Variants in CHD5 observed in about 807,000 individuals in gnomAD.
The protein encoded by CHD5 is ATP-dependent chromatin remodeler CHD5.
Under a neutral mutation model 230.3 loss-of-function variants are expected in CHD5, and 69 were observed. The ratio of observed to expected loss-of-function variants is 0.30; its 90% CI spans 0.25 to 0.37. The LOEUF (loss-of-function observed/expected upper bound fraction) is 0.37. Ranked by LOEUF, CHD5 falls within the 10% of genes least tolerant of loss-of-function variation. The pLI, the probability that CHD5 is intolerant of heterozygous loss-of-function variation, is 1.00. For missense variants in CHD5, 1,827 were observed against 2,622.8 expected, an observed-to-expected ratio of 0.70 and a Z score of 6.63; for synonymous variants, 1,064 against 1,065.9, an observed-to-expected ratio of 1.00 and a Z score of 0.03.
At chr1:6,110,313 C>CT in intron 37 of CHD5, 81 bp downstream of exon 37, 1 of 1,550,274 alleles carries the variant, frequency 6.5e-7, no homozygotes, top group Non-Finnish European at 8.8e-7. Flanking sequence ...TTGCTGCTCT[C>CT]TAATTCCTTT....
chr1:6,136,014 TA>T (rs55975312), intron 17 of CHD5, among the ~76,000 whole-genome samples: 2 of 119,442 alleles, frequency 1.7e-5, no homozygotes, highest in South Asian at 3.5e-4. Context: ...TTTCTTTTAA[TA>T]AAAAAAAACA....
chr1:6,128,251 A>G lies in CHD5; in HGVS notation c.3731-33T>C. 6.2e-7 allele frequency: 1 copy of G among 1,607,852 alleles called. No homozygotes were observed. The highest frequency in any genetic ancestry group is 8.5e-7 in the Non-Finnish European group (1 of 1,175,858). On this transcript the variant is annotated intron_variant, in intron 24 of 41. Coordinates refer to ENST00000262450, the MANE Select transcript of CHD5 (RefSeq NM_015557.3). The surrounding 1 kb of genome is among the most constrained non-coding windows in gnomAD (Gnocchi z 7.8). The stretch of plus-strand genomic sequence containing the variant: ...GCAGGCAAATGCAGTGTGAGGACAA[A>G]GACTGCCCTGGTCCAGCCCCGGGGT...
Position 6,125,978 on chromosome 1 carries a change from A to G in CHD5, c.4079-120T>C. On this transcript the variant is annotated intron_variant, in intron 26 of 41. Coordinates refer to ENST00000262450, the MANE Select transcript of CHD5 (RefSeq NM_015557.3). The surrounding 1 kb of genome is among the most constrained non-coding windows in gnomAD (Gnocchi z 6.7). ...ACCCCAGCTCCATAAAAAAGCAGTG[A>G]CAATGGCCCACATACTTCCTGTGGG... 1.4e-6 allele frequency: 1 copy of G among 704,530 alleles called. No individual in the cohort carries two copies. Among genetic ancestry groups the G allele is most frequent in the Non-Finnish European group, 2.5e-6 (1 of 397,518 alleles). The allele number at this position is 704,530 out of a possible 1,614,324, so 43.6% of individuals were successfully genotyped here. A position where few individuals can be genotyped will look rare whatever the true frequency, so the allele number is the denominator to read the frequency against.
At chr1:6,132,202 G>C (rs577465348) in intron 20 of CHD5, among the ~76,000 whole-genome samples, 1 of 152,236 alleles carries the variant, frequency 6.6e-6, no homozygotes, top group African/African-American at 2.4e-5. Flanking sequence ...AGAAAAGAAA[G>C]GCAGTCCCTT....
At position 6,154,575 on chromosome 1, in the gene CHD5, C is replaced by T. The variant is rs1036705740; in HGVS notation, c.745+85G>A. ...AGCACCCCAGCTGCCCCTCCCTGCCCGCGTCTGCCCCGTGGCTTCTCCTAT... is the reference window on the plus strand; with the variant it reads ...AGCACCCCAGCTGCCCCTCCCTGCCTGCGTCTGCCCCGTGGCTTCTCCTAT... On this transcript the variant is annotated intron_variant, in intron 5 of 41. Coordinates refer to ENST00000262450, the MANE Select transcript of CHD5 (RefSeq NM_015557.3). This position sits in a 1 kb window ranked among gnomAD's most constrained non-coding sequence, Gnocchi z 7.0. The T allele has an allele frequency of 1.1e-5, 14 of 1,275,402 alleles. No homozygotes were observed. The highest frequency in any genetic ancestry group is 6.6e-5 in the South Asian group (4 of 60,666). 79.0% of individuals were successfully genotyped at this position (1,275,402 alleles called of 1,614,324 possible). A position where few individuals can be genotyped will look rare whatever the true frequency, so the allele number is the denominator to read the frequency against.
intron 33 of CHD5, among the ~76,000 whole-genome samples, chr1:6,120,327 C>T (rs535806226): frequency 1.3e-5 from 2 of 152,100 alleles, no homozygotes; most frequent in South Asian, 4.2e-4. Flanking sequence ...AGTCAGAAAT[C>T]ACTAATAAAA....
chr1:6,121,507 G>C lies in CHD5; in HGVS notation c.4766C>G (p.Pro1589Arg). Residue 1589 changes from proline (P) to arginine (R), a missense_variant, in exon 32 of 42, where the codon CCC becomes CGC. Coordinates refer to ENST00000262450, the MANE Select transcript of CHD5 (RefSeq NM_015557.3). This position sits in a 1 kb window ranked among gnomAD's most constrained non-coding sequence, Gnocchi z 4.5. ...KDPGAQKPRQ[P>R]LEVQALPAAL... ...CAAGTTCCACACCTGGACTTCCAGG[G>C]GCTGCCTTGGCTTCTGTGCCCCGGG... is the stretch of plus-strand genomic sequence containing the variant. 6.2e-7 allele frequency: 1 copy of C among 1,612,318 alleles called. No individual in the cohort carries two copies. The highest frequency in any genetic ancestry group is 8.5e-7 in the Non-Finnish European group (1 of 1,179,244).
chr1:6,138,094 G>C (rs2100853688), intron 15 of CHD5, among the ~76,000 whole-genome samples: 1 of 152,332 alleles, frequency 6.6e-6, no homozygotes, highest in East Asian at 1.9e-4. Flanking sequence ...AGCAAATTTA[G>C]GCCAGGCACA....
At position 6,129,966 on chromosome 1, in the gene CHD5, C is replaced by T. The variant is rs1459384715; in HGVS notation, c.3387+238G>A. Among the ~76,000 whole-genome samples, 2 of 152,206 alleles carry T rather than the reference C, an allele frequency of 1.3e-5. No homozygotes were observed. The highest frequency in any genetic ancestry group is 3.9e-4 in the East Asian group (2 of 5,192). ...AACTGCTGTGCGCCCTGGGACACTT[C>T]CCCTGCCCTCTCCAAGCCTGCTTCC... On this transcript the variant is annotated intron_variant, in intron 22 of 41. Coordinates refer to ENST00000262450, the MANE Select transcript of CHD5 (RefSeq NM_015557.3). The surrounding 1 kb of genome is among the most constrained non-coding windows in gnomAD (Gnocchi z 6.8).
chr1:6,155,092 C>G lies in CHD5; in HGVS notation c.507-194G>C, dbSNP rs1296139705. Among the ~76,000 whole-genome samples, 1 of 103,620 alleles carries G rather than the reference C, an allele frequency of 9.7e-6. No homozygotes were observed. Among genetic ancestry groups the G allele is most frequent in the Non-Finnish European group, 2.3e-5 (1 of 43,064 alleles). The allele number at this position is 103,620 out of a possible 152,430, so 68.0% of individuals were successfully genotyped here. On this transcript the variant is annotated intron_variant, in intron 4 of 41. Coordinates refer to ENST00000262450, the MANE Select transcript of CHD5 (RefSeq NM_015557.3). This position sits in a 1 kb window ranked among gnomAD's most constrained non-coding sequence, Gnocchi z 4.0. ...AAACGCCCCAGCTTCCTGTCCACAC[C>G]CACAGCCCACCCCCAAAACACCCAG...
In CHD5 at chr1:6,106,143, A is replaced by T; in HGVS notation, c.*46+91T>A. On this transcript the variant is annotated intron_variant, in intron 41 of 41. Transcript: ENST00000262450. ...AAAAGCTCCAGGACTTAGGGACGGG[A>T]GTCAAGTGCAGGGGCAGGGCTGACT... 2.6e-6 allele frequency: 3 copies of T among 1,169,522 alleles called. 1 individual carries two copies. Among genetic ancestry groups the T allele is most frequent in the Non-Finnish European group, 3.8e-6 (3 of 798,230 alleles). The allele number at this position is 1,169,522 out of a possible 1,614,324, so 72.4% of individuals were successfully genotyped here.
At chr1:6,173,505 A>G (rs1429875903) in intron 1 of CHD5, among the ~76,000 whole-genome samples, 1 of 152,228 alleles carries the variant, frequency 6.6e-6, no homozygotes, top group East Asian at 1.9e-4. Flanking sequence ...GGGGCAGCAG[A>G]GGCTTCAAGC....
chr1:6,131,609 C>T lies in CHD5; in HGVS notation c.3262+22G>A. 7.0e-7 allele frequency: 1 copy of T among 1,437,306 alleles called. No homozygotes were observed. The highest frequency in any genetic ancestry group is 9.8e-7 in the Non-Finnish European group (1 of 1,019,992). 89.0% of individuals were successfully genotyped at this position (1,437,306 alleles called of 1,614,324 possible). A position where few individuals can be genotyped will look rare whatever the true frequency, so the allele number is the denominator to read the frequency against. ...GGCCAAAAAGGAGTCTCAATCAGAA[C>T]CCTTGGGCAGGATGGGGGTACCATT... On this transcript the variant is annotated intron_variant, in intron 21 of 41. Transcript: ENST00000262450. This position sits in a 1 kb window ranked among gnomAD's most constrained non-coding sequence, Gnocchi z 5.0.
In CHD5 at chr1:6,134,869, G is replaced by A; in HGVS notation, c.2871-10C>T. On this transcript the variant is annotated splice_polypyrimidine_tract_variant and intron_variant, in intron 18 of 41. Coordinates refer to ENST00000262450, the MANE Select transcript of CHD5 (RefSeq NM_015557.3). This position sits in a 1 kb window ranked among gnomAD's most constrained non-coding sequence, Gnocchi z 6.3. ...GAACTTGTAGTACTTCCTGCAGCAG[G>A]GCACGAGGAAAGGCAGGCTGGGTCA... is the stretch of plus-strand genomic sequence containing the variant. 5.6e-6 allele frequency: 9 copies of A among 1,614,034 alleles called. No homozygotes were observed. The highest frequency in any genetic ancestry group is 7.6e-6 in the Non-Finnish European group (9 of 1,179,968).
At chr1:6,168,341 C>A in intron 1 of CHD5, 64 bp from the exon 2 acceptor site, 1 of 1,519,148 alleles carries the variant, frequency 6.6e-7, no homozygotes, top group South Asian at 1.3e-5. Context: ...CCTGGAGACA[C>A]AGAGCCAGCC....
At chr1:6,140,309 A>G (rs1666808084) in intron 15 of CHD5, among the ~76,000 whole-genome samples, 1 of 151,996 alleles carries the variant, frequency 6.6e-6, no homozygotes, top group South Asian at 2.1e-4. Context: ...CTGAGGCAGG[A>G]GAATCGCTTG....
chr1:6,179,145 G>A (rs934915946), intron 1 of CHD5, among the ~76,000 whole-genome samples: 1 of 152,230 alleles, frequency 6.6e-6, no homozygotes, highest in Non-Finnish European at 1.5e-5. Flanking sequence ...AATTCTGAGA[G>A]AGATAAAAGG....
At position 6,121,647 on chromosome 1, in the gene CHD5, G is replaced by A; in HGVS notation, c.4700-74C>T. On this transcript the variant is annotated intron_variant, in intron 31 of 41. Transcript: ENST00000262450. This position sits in a 1 kb window ranked among gnomAD's most constrained non-coding sequence, Gnocchi z 4.5. Reference sequence around the variant, plus strand: ...GAGTAGGGCAGGGAGTGGGGTGGCAGAGAGGAGAGATGGGGGCTTGGCCTT... The same window carrying A: ...GAGTAGGGCAGGGAGTGGGGTGGCAAAGAGGAGAGATGGGGGCTTGGCCTT... 1.8e-6 allele frequency: 2 copies of A among 1,095,690 alleles called. No individual in the cohort carries two copies. Among genetic ancestry groups the A allele is most frequent in the South Asian group, 2.8e-5 (2 of 70,794 alleles). 67.9% of individuals were successfully genotyped at this position (1,095,690 alleles called of 1,614,324 possible).
At chr1:6,151,669 C>T (rs1667010358) in intron 6 of CHD5, among the ~76,000 whole-genome samples, 1 of 152,228 alleles carries the variant, frequency 6.6e-6, no homozygotes, top group South Asian at 2.1e-4. Context: ...ATGTGCTCAA[C>T]AAATATCTGC....
Sources: allele counts gnomAD v4.1 joint callset (sites outside exome capture counted in the v4.1 genomes callset), GRCh38; gene constraint gnomAD v4.1.1; non-coding constraint Gnocchi (gnomAD v3.1); transcripts MANE v1.5; gene names NCBI Gene and HGNC (gene_info 2026-07-23, HGNC 2026-07-21).